Variants in DHRS12 observed in about 807,000 individuals in gnomAD.
DHRS12 encodes dehydrogenase/reductase SDR family member 12.
A neutral mutation model predicts 32.1 loss-of-function variants in DHRS12; 29 were observed. That is an observed-to-expected ratio of 0.90 (90% confidence interval 0.67 to 1.23). The LOEUF (loss-of-function observed/expected upper bound fraction) is 1.23, where lower values mean the gene tolerates loss of function less well. DHRS12 is among the 50% of genes most tolerant of loss of function. The pLI is 0.00. For missense variants in DHRS12, 330 were observed against 337.2 expected, an observed-to-expected ratio of 0.98 and a Z score of 0.17; for synonymous variants, 150 against 135.9, an observed-to-expected ratio of 1.10 and a Z score of -0.72.
chr13:51,788,736 C>T (rs772912272), intron 4 of DHRS12, among the ~76,000 whole-genome samples: 6 of 151,838 alleles, frequency 4.0e-5, no homozygotes, highest in Non-Finnish European at 7.4e-5. Flanking sequence ...TGGTACATGC[C>T]GTAGTCCTAG....
Position 51,775,966 on chromosome 13 carries a change from A to AGTATTCTCCTACAT in DHRS12, c.363+1093_363+1094insATGTAGGAGAATAC, listed in dbSNP as rs1954342462. 4 of 99,038 alleles carry AGTATTCTCCTACAT rather than the reference A, an allele frequency of 4.0e-5. 1 individual carries two copies. The highest frequency in any genetic ancestry group is 2.3e-4 in the Admixed American group (2 of 8,604). 6.1% of individuals were successfully genotyped at this position (99,038 alleles called of 1,614,324 possible). A position where few individuals can be genotyped will look rare whatever the true frequency, so the allele number is the denominator to read the frequency against. On this transcript the variant is annotated intron_variant, in intron 5 of 8. Transcript: ENST00000444610. ...CAGTATTCTCCTACATGTATTCTACAGTATTCTCCTACAGTATTCTCCTAC... is the reference window on the plus strand; with the variant it reads ...CAGTATTCTCCTACATGTATTCTACAGTATTCTCCTACATGTATTCTCCTACAGTATTCTCCTAC...
chr13:51,778,157 G>A (rs565340401), intron 4 of DHRS12, among the ~76,000 whole-genome samples: 1 of 152,358 alleles, frequency 6.6e-6, no homozygotes, highest in East Asian at 1.9e-4. Context: ...CTTACCAGCG[G>A]TGTGACCGTA....
chr13:51,767,398 C>G (rs1270439952), downstream of DHRS12: 4 of 152,208 alleles, frequency 2.6e-5, no homozygotes, highest in African/African-American at 4.8e-5. Flanking sequence ...TCCTTGTGGT[C>G]CTTGGCTGAT....
At chr13:51,783,236 G>A (rs544183919) in intron 4 of DHRS12, among the ~76,000 whole-genome samples, 2 of 152,182 alleles carry the variant, frequency 1.3e-5, no homozygotes, top group Non-Finnish European at 2.9e-5. Context: ...AGTGGTCGAG[G>A]GGAAATGGGG....
intron 4 of DHRS12, among the ~76,000 whole-genome samples, chr13:51,786,046 G>A (rs921543563): frequency 9.9e-5 from 15 of 152,186 alleles, no homozygotes; most frequent in South Asian, 4.1e-4. Context: ...TCCCTGTGTC[G>A]AACAGCAGCT....
chr13:51,773,160 G>T, intron 6 of DHRS12: 1 of 789,412 alleles, frequency 1.3e-6, no homozygotes, highest in Non-Finnish European at 1.5e-6. Context: ...AAATGCTGAG[G>T]CCCAGAAGTG....
intron 2 of DHRS12, among the ~76,000 whole-genome samples, chr13:51,795,522 A>T (rs1955475734): frequency 6.6e-6 from 1 of 152,192 alleles, no homozygotes; most frequent in Non-Finnish European, 1.5e-5. Context: ...CATCTAACAG[A>T]CACCTCTTTC....
intron 7 of DHRS12, chr13:51,771,588 C>T (rs1954019480): frequency 6.5e-7 from 1 of 1,548,022 alleles, no homozygotes; most frequent in Admixed American, 1.9e-5. Context: ...CTCCCGTTCC[C>T]ACCATCTCCT....
At chr13:51,778,649 C>A (rs796685089) in intron 4 of DHRS12, among the ~76,000 whole-genome samples, 2 of 152,224 alleles carry the variant, frequency 1.3e-5, no homozygotes, top group African/African-American at 4.8e-5. Context: ...CTGCTGCCTG[C>A]GAAGGGCACC....
intron 2 of DHRS12, among the ~76,000 whole-genome samples, chr13:51,796,630 A>G (rs1046028991): frequency 1.3e-5 from 2 of 152,198 alleles, no homozygotes; most frequent in African/African-American, 2.4e-5. Context: ...GGCCCACACC[A>G]CAGCAGGCTG....
chr13:51,787,778 A>G (rs1451711154), intron 4 of DHRS12, among the ~76,000 whole-genome samples: 1 of 52,044 alleles, frequency 1.9e-5, no homozygotes, highest in Non-Finnish European at 3.5e-5. Context: ...TAAATTATAT[A>G]TAATTTATAA....
intron 8 of DHRS12, chr13:51,768,825 CT>C (rs1418808125): frequency 1.5e-5 from 19 of 1,296,674 alleles, no homozygotes; most frequent in Non-Finnish European, 1.8e-5. Context: ...CCGTTACTCC[CT>C]TTGCAGTGCA....
At chr13:51,793,241 A>G (rs1016374980) in intron 2 of DHRS12, among the ~76,000 whole-genome samples, 4 of 152,328 alleles carry the variant, frequency 2.6e-5, no homozygotes, top group African/African-American at 9.6e-5. Context: ...TTGCATTCTT[A>G]GCATCCAATG....
At chr13:51,758,609 A>G in the DHRS12 span, among the ~76,000 whole-genome samples, 18,987 of 151,896 alleles carry the variant, frequency 0.12, 1,477 homozygotes, top group South Asian at 0.22. Context: ...AGAACCTATT[A>G]CAAACCTGAT....
At chr13:51,785,131 G>A (rs952424546) in intron 4 of DHRS12, among the ~76,000 whole-genome samples, 6 of 152,240 alleles carry the variant, frequency 3.9e-5, no homozygotes, top group Admixed American at 2.0e-4. Flanking sequence ...AGGAGGCTGA[G>A]GCAGGAGAAT....
intron 1 of DHRS12, 121 bp downstream of exon 1, chr13:51,803,933 G>A: frequency 6.3e-6 from 6 of 958,890 alleles, no homozygotes; most frequent in Non-Finnish European, 8.2e-6. Context: ...TTCTGGACAC[G>A]CTTAGTCGGC....
chr13:51,776,778 C>T (rs916019598), intron 5 of DHRS12, among the ~76,000 whole-genome samples: 11 of 152,122 alleles, frequency 7.2e-5, no homozygotes, highest in Non-Finnish European at 1.0e-4. Flanking sequence ...CCCCACAAGC[C>T]GCCCCTGCCC....
intron 5 of DHRS12, 122 bp from the exon 6 acceptor site, chr13:51,774,156 AAC>A (rs1397127812): frequency 1.4e-6 from 1 of 738,250 alleles, no homozygotes; most frequent in Non-Finnish European, 2.3e-6. Flanking sequence ...GGCTTGAAGC[AAC>A]ACATTGTATT....
At chr13:51,758,113 G>A in the DHRS12 span, 3 of 1,157,254 alleles carry the variant, frequency 2.6e-6, no homozygotes, top group Middle Eastern at 2.1e-4. Flanking sequence ...CCAAAATTTA[G>A]AGCCTAATGT....
Sources: allele counts gnomAD v4.1 joint callset (sites outside exome capture counted in the v4.1 genomes callset), GRCh38; gene constraint gnomAD v4.1.1; transcripts MANE v1.5; gene names NCBI Gene and HGNC (gene_info 2026-07-23, HGNC 2026-07-21).